Variants in RALGPS2 observed in about 807,000 individuals in gnomAD.
RALGPS2 encodes the protein Ral GEF with PH domain and SH3 binding motif 2.
Under a neutral mutation model 86.8 loss-of-function variants are expected in RALGPS2, and 43 were observed. That is an observed-to-expected ratio of 0.50 (90% confidence interval 0.39 to 0.64). The LOEUF (loss-of-function observed/expected upper bound fraction) is 0.64. RALGPS2 is among the 30% of genes least tolerant of loss of function. The probability of loss-of-function intolerance (pLI) is 0.00; values close to 1 mark genes in which losing one functional copy is unlikely to be tolerated. For synonymous variants in RALGPS2, 243 were observed against 231.3 expected (o/e 1.05, Z -0.46); for missense variants, 536 against 694.6 (o/e 0.77, Z 2.57).
intron 8 of RALGPS2, among the ~76,000 whole-genome samples, chr1:178,834,384 A>G (rs1222869058): frequency 1.3e-5 from 2 of 152,172 alleles, no homozygotes; most frequent in Non-Finnish European, 2.9e-5. Flanking sequence ...TATTTCTGAG[A>G]GTGATTACAG....
chr1:178,763,208 T>C (rs1309532320), intron 1 of RALGPS2, among the ~76,000 whole-genome samples: 1 of 152,248 alleles, frequency 6.6e-6, no homozygotes, highest in Non-Finnish European at 1.5e-5. Context: ...TTTGTGTGCC[T>C]GTTTTTGTAG....
chr1:178,732,732 GTT>G (rs74263842), intron 1 of RALGPS2, among the ~76,000 whole-genome samples: 16 of 141,468 alleles, frequency 1.1e-4, no homozygotes, highest in African/African-American at 3.3e-4. Context: ...AGTTTTCTAA[GTT>G]TTTTTTTTTT....
chr1:178,905,395 G>T (rs892979064), intron 18 of RALGPS2, among the ~76,000 whole-genome samples: 2 of 152,050 alleles, frequency 1.3e-5, no homozygotes, highest in South Asian at 2.1e-4. Context: ...GCGGGGGAGG[G>T]GTGAGTATGT....
intron 18 of RALGPS2, among the ~76,000 whole-genome samples, chr1:178,904,983 C>T (rs1209885298): frequency 2.0e-5 from 3 of 152,168 alleles, no homozygotes; most frequent in Non-Finnish European, 2.9e-5. Flanking sequence ...CATCCATGAG[C>T]ATGGGATGTG....
intron 8 of RALGPS2, chr1:178,865,089 T>A (rs768926789): frequency 6.4e-7 from 1 of 1,554,400 alleles, no homozygotes. Flanking sequence ...AGACCAGGAG[T>A]ATACTGTTGG....
chr1:178,849,928 A>G (rs532827576), intron 8 of RALGPS2: 2 of 152,452 alleles, frequency 1.3e-5, no homozygotes, highest in Admixed American at 6.5e-5. Flanking sequence ...CTTCACAAAT[A>G]TATTAAGGCA....
chr1:178,899,042 CT>C (rs1487319260), intron 17 of RALGPS2, among the ~76,000 whole-genome samples: 5 of 151,900 alleles, frequency 3.3e-5, no homozygotes, highest in African/African-American at 7.2e-5. Flanking sequence ...ATAGATTTCA[CT>C]TAGCTGACTA....
chr1:178,901,825 T>C (rs1438595478), intron 17 of RALGPS2, among the ~76,000 whole-genome samples: 1 of 151,996 alleles, frequency 6.6e-6, no homozygotes, highest in African/African-American at 2.4e-5. Flanking sequence ...CAGATTAATA[T>C]ATCATATTCA....
intron 2 of RALGPS2, among the ~76,000 whole-genome samples, chr1:178,781,130 CA>C (rs1406569771): frequency 1.3e-5 from 2 of 151,988 alleles, no homozygotes; most frequent in Non-Finnish European, 2.9e-5. Flanking sequence ...TTCACTTGTA[CA>C]AACAATTCTG....
At chr1:178,894,160 C>G (rs1257004496) in intron 16 of RALGPS2, 136 bp downstream of exon 16, 8 of 561,230 alleles carry the variant, frequency 1.4e-5, no homozygotes, top group Non-Finnish European at 2.4e-5. Context: ...AGGTCCTCCC[C>G]TCTTATCCTT....
chr1:178,874,554 C>T (rs1030508671), intron 8 of RALGPS2, among the ~76,000 whole-genome samples: 1 of 152,088 alleles, frequency 6.6e-6, no homozygotes, highest in African/African-American at 2.4e-5. Flanking sequence ...TTCTCTGATC[C>T]CATCAGCAAG....
At chr1:178,834,661 A>G (rs1006488859) in intron 8 of RALGPS2, among the ~76,000 whole-genome samples, 2 of 152,254 alleles carry the variant, frequency 1.3e-5, no homozygotes, top group Non-Finnish European at 2.9e-5. Context: ...TTTGATAAAC[A>G]GCTTAGGATC....
In RALGPS2 at chr1:178,872,755, A is replaced by G. The variant is rs113634059; in HGVS notation, c.608-4743A>G. On this transcript the variant is annotated intron_variant, in intron 8 of 19. Coordinates refer to ENST00000367635, the MANE Select transcript of RALGPS2 (RefSeq NM_152663.5). Reference sequence around the variant, plus strand: ...AACTTTCAGCAGTTTGGAGCTTTCTAACTTGAGCACTTAGTAATATCACTA... The same window carrying G: ...AACTTTCAGCAGTTTGGAGCTTTCTGACTTGAGCACTTAGTAATATCACTA... Among the ~76,000 whole-genome samples the G allele has an allele frequency of 5.9e-3, 896 of 152,306 alleles. 3 individuals are homozygous for G. Among genetic ancestry groups the G allele is most frequent in the Non-Finnish European group, 9.5e-3 (649 of 68,024 alleles).
Position 178,856,194 on chromosome 1 carries a change from GAGAGAGAGATATATATATATATAT to G in RALGPS2, c.608-21302_608-21279del, listed in dbSNP as rs1259278486. ...ACTGTGTTACCTGTACTTTTCCAGA[GAGAGAGAGATATATATATATATAT>G]ATATATATATATATATGGTTTTGGG... On this transcript the variant is annotated intron_variant, in intron 8 of 19. Coordinates refer to ENST00000367635, the MANE Select transcript of RALGPS2 (RefSeq NM_152663.5). Among the ~76,000 whole-genome samples, 19 of 99,198 alleles carry G rather than the reference GAGAGAGAGATATATATATATATAT, an allele frequency of 1.9e-4. 1 individual carries two copies. Among genetic ancestry groups the G allele is most frequent in the African/African-American group, 7.1e-4 (13 of 18,406 alleles). 65.1% of individuals were successfully genotyped at this position (99,198 alleles called of 152,430 possible). A position where few individuals can be genotyped will look rare whatever the true frequency, so the allele number is the denominator to read the frequency against.
At position 178,919,923 on chromosome 1, in the gene RALGPS2, A is replaced by T. The variant is rs1430169874; in HGVS notation, c.*3564A>T. The T allele has an allele frequency of 6.6e-6, 1 of 152,028 alleles. No individual in the cohort carries two copies. Among genetic ancestry groups the T allele is most frequent in the Non-Finnish European group, 1.5e-5 (1 of 67,898 alleles). The allele number at this position is 152,028 out of a possible 1,614,324, so 9.4% of individuals were successfully genotyped here. A position where few individuals can be genotyped will look rare whatever the true frequency, so the allele number is the denominator to read the frequency against. ...ATAATTGGATCCCTTTTTGAAAAGG[A>T]AGATGAGTTTAACTGTGTCCAGGTG... On this transcript the variant is annotated 3_prime_UTR_variant, in exon 20 of 20. Coordinates refer to ENST00000367635, the MANE Select transcript of RALGPS2 (RefSeq NM_152663.5).
intron 4 of RALGPS2, among the ~76,000 whole-genome samples, chr1:178,788,233 CT>C (rs1254143384): frequency 2.0e-5 from 3 of 152,184 alleles, no homozygotes; most frequent in Non-Finnish European, 1.5e-5. Context: ...TACTTTTTCA[CT>C]GGACTCGTCA....
chr1:178,908,625 G>C (rs1660484748), intron 19 of RALGPS2, among the ~76,000 whole-genome samples: 1 of 152,102 alleles, frequency 6.6e-6, no homozygotes, highest in African/African-American at 2.4e-5. Context: ...GTGTGAGATG[G>C]TATCTCATTG....
At chr1:178,756,425 A>G (rs1461565156) in intron 1 of RALGPS2, among the ~76,000 whole-genome samples, 2 of 152,088 alleles carry the variant, frequency 1.3e-5, no homozygotes, top group African/African-American at 4.8e-5. Flanking sequence ...GACTTTTCCC[A>G]TTGCTCATTT....
intron 8 of RALGPS2, among the ~76,000 whole-genome samples, chr1:178,847,958 G>A (rs1656948668): frequency 6.6e-6 from 1 of 152,168 alleles, no homozygotes; most frequent in South Asian, 2.1e-4. Flanking sequence ...TCTAGGCAAT[G>A]ATGGCCTCCC....
Sources: allele counts gnomAD v4.1 joint callset (sites outside exome capture counted in the v4.1 genomes callset), GRCh38; gene constraint gnomAD v4.1.1; transcripts MANE v1.5; gene names NCBI Gene and HGNC (gene_info 2026-07-23, HGNC 2026-07-21).